Variants in CLTC observed in about 807,000 individuals in gnomAD.
CLTC encodes clathrin heavy chain 1.
Under a neutral mutation model 195.8 loss-of-function variants are expected in CLTC, and 16 were observed. The observed-to-expected ratio is 0.08, with a 90% CI of 0.06 to 0.12. The LOEUF (loss-of-function observed/expected upper bound fraction) is 0.12, where lower values mean the gene tolerates loss of function less well. Among genes scored for constraint, CLTC ranks in the 10% least tolerant of loss-of-function variants. The pLI is 1.00. For synonymous variants in CLTC, 667 were observed against 689.4 expected (o/e 0.97, Z 0.51); for missense variants, 796 against 2,027.0 (o/e 0.39, Z 11.66).
At chr17:59,626,587 A>C (rs1472031353) in intron 1 of CLTC, among the ~76,000 whole-genome samples, 2 of 152,212 alleles carry the variant, frequency 1.3e-5, no homozygotes, top group East Asian at 3.9e-4. Flanking sequence ...TTAGATGAGC[A>C]GTAGGTTCAT....
In CLTC at chr17:59,666,727, A is replaced by G; in HGVS notation, c.1948-70A>G. On this transcript the variant is annotated intron_variant, in intron 12 of 31. Coordinates refer to ENST00000269122, the MANE Select transcript of CLTC (RefSeq NM_004859.4). The surrounding 1 kb of genome is among the most constrained non-coding windows in gnomAD (Gnocchi z 4.9). The stretch of plus-strand genomic sequence containing the variant: ...AATGTGTTTGTGGTACTAAATATTA[A>G]TAATTTCATACCACCATGAGGTTCA... The G allele has an allele frequency of 6.4e-7, 1 of 1,555,196 alleles. No homozygotes were observed. Among genetic ancestry groups the G allele is most frequent in the South Asian group, 1.2e-5 (1 of 86,044 alleles).
chr17:59,645,749 A>G (rs2032175265), intron 2 of CLTC, among the ~76,000 whole-genome samples: 1 of 152,212 alleles, frequency 6.6e-6, no homozygotes, highest in African/African-American at 2.4e-5. Context: ...TCACATATCT[A>G]AGATAGAAAC....
rs760857185 is a variant in CLTC, at chr17:59,619,967, C to A, written c.-165C>A. 66 of 622,070 alleles carry A rather than the reference C, an allele frequency of 1.1e-4. No homozygotes were observed. The highest frequency in any genetic ancestry group is 1.6e-4 in the Non-Finnish European group (58 of 352,744). 38.5% of individuals were successfully genotyped at this position (622,070 alleles called of 1,614,324 possible). A position where few individuals can be genotyped will look rare whatever the true frequency, so the allele number is the denominator to read the frequency against. Reference sequence around the variant, plus strand: ...TCCTGGCCCCTGGAGCCTCCGCCCCCGACCCGAGCTCTTTCGTCTGCCTGC... The same window carrying A: ...TCCTGGCCCCTGGAGCCTCCGCCCCAGACCCGAGCTCTTTCGTCTGCCTGC... On this transcript the variant is annotated 5_prime_UTR_variant, in exon 1 of 32. Transcript: ENST00000269122.
chr17:59,685,043 T>C lies in CLTC; in HGVS notation c.4435-13T>C, dbSNP rs1276157505. 2 of 1,440,462 alleles carry C rather than the reference T, an allele frequency of 1.4e-6. No individual in the cohort carries two copies. The highest frequency in any genetic ancestry group is 1.4e-5 in the African/African-American group (1 of 69,306). The allele number at this position is 1,440,462 out of a possible 1,614,324, so 89.2% of individuals were successfully genotyped here. A position where few individuals can be genotyped will look rare whatever the true frequency, so the allele number is the denominator to read the frequency against. ...ATACTGATCTGGCATTTGGATGGCT[T>C]TTTTTTTTTAAGGCTCTGCGAACAT... On this transcript the variant is annotated splice_polypyrimidine_tract_variant and intron_variant, in intron 28 of 31. Transcript: ENST00000269122. This position sits in a 1 kb window ranked among gnomAD's most constrained non-coding sequence, Gnocchi z 5.0.
intron 14 of CLTC, among the ~76,000 whole-genome samples, chr17:59,670,588 TTC>T (rs1309225933): frequency 6.6e-6 from 1 of 152,120 alleles, no homozygotes; most frequent in African/African-American, 2.4e-5. Flanking sequence ...CTTAAATGAT[TTC>T]TTTTTGTTTT....
chr17:59,635,072 A>G (rs1041835382), intron 1 of CLTC, among the ~76,000 whole-genome samples: 2 of 152,270 alleles, frequency 1.3e-5, no homozygotes, highest in Admixed American at 1.3e-4. Flanking sequence ...ATGACATACA[A>G]GTATCAGCAG....
chr17:59,679,103 C>T (rs1004585771), intron 17 of CLTC, among the ~76,000 whole-genome samples: 1 of 152,148 alleles, frequency 6.6e-6, no homozygotes. Flanking sequence ...TACATATGCT[C>T]ATTTATGTAC....
At chr17:59,668,174 A>G (rs1284288211) in intron 13 of CLTC, among the ~76,000 whole-genome samples, 1 of 152,234 alleles carries the variant, frequency 6.6e-6, no homozygotes, top group African/African-American at 2.4e-5. Flanking sequence ...CTTCTGGACA[A>G]TACTGCACTA....
Position 59,661,439 on chromosome 17 carries a change from A to G in CLTC, c.1168-4A>G. On this transcript the variant is annotated splice_region_variant and splice_polypyrimidine_tract_variant and intron_variant, in intron 7 of 31. Transcript: ENST00000269122. ...AGAGCGTTTAACATTTCTCCTTCTT[A>G]AAGGGAATTCTTCGTACTCCAGACA... 6.2e-7 allele frequency: 1 copy of G among 1,612,412 alleles called. No individual in the cohort carries two copies. The highest frequency in any genetic ancestry group is 8.5e-7 in the Non-Finnish European group (1 of 1,178,704).
intron 5 of CLTC, among the ~76,000 whole-genome samples, chr17:59,653,716 G>C (rs1443587770): frequency 6.6e-6 from 1 of 150,904 alleles, no homozygotes; most frequent in African/African-American, 2.4e-5. Flanking sequence ...GTACATGCCA[G>C]TACGCCTGGC....
intron 16 of CLTC, 146 bp from the exon 17 acceptor site, chr17:59,676,808 T>G: frequency 1.5e-6 from 1 of 648,166 alleles, no homozygotes. Context: ...CACTTCAGCC[T>G]GGACAATGTA....
In CLTC at chr17:59,683,812, A is replaced by G; in HGVS notation, c.4323+56A>G. On this transcript the variant is annotated intron_variant, in intron 27 of 31. Coordinates refer to ENST00000269122, the MANE Select transcript of CLTC (RefSeq NM_004859.4). This position sits in a 1 kb window ranked among gnomAD's most constrained non-coding sequence, Gnocchi z 6.1. Reference sequence around the variant, plus strand: ...TAGCAAGGAATTAGGACATACTTCGATAACTTTTGTCCCTGGGACTTCAAT... The same window carrying G: ...TAGCAAGGAATTAGGACATACTTCGGTAACTTTTGTCCCTGGGACTTCAAT... The G allele has an allele frequency of 6.2e-7, 1 of 1,612,524 alleles. No individual in the cohort carries two copies. The highest frequency in any genetic ancestry group is 8.5e-7 in the Non-Finnish European group (1 of 1,178,658).
intron 1 of CLTC, among the ~76,000 whole-genome samples, chr17:59,621,756 AT>A (rs959717196): frequency 5.3e-5 from 8 of 151,436 alleles, no homozygotes; most frequent in Non-Finnish European, 7.4e-5. Context: ...CAAAATGGAC[AT>A]TTTTTTTTGA....
intron 6 of CLTC, among the ~76,000 whole-genome samples, chr17:59,659,863 G>A (rs1164008686): frequency 6.6e-6 from 1 of 151,960 alleles, no homozygotes; most frequent in Non-Finnish European, 1.5e-5. Context: ...TGTAATTAAC[G>A]AAAATTACCA....
intron 8 of CLTC, among the ~76,000 whole-genome samples, chr17:59,663,565 GT>G (rs112930390): frequency 6.6e-5 from 10 of 152,286 alleles, no homozygotes; most frequent in African/African-American, 2.4e-4. Flanking sequence ...GTACTTTGAA[GT>G]ACTTAAATCC....
At chr17:59,670,142 T>TTGA (rs2032814054) in intron 14 of CLTC, among the ~76,000 whole-genome samples, 2 of 152,206 alleles carry the variant, frequency 1.3e-5, no homozygotes, top group Non-Finnish European at 2.9e-5. Context: ...TGAGAAAGAT[T>TTGA]TGATACTCTG....
chr17:59,663,024 C>T (rs1377185171), intron 8 of CLTC, among the ~76,000 whole-genome samples: 1 of 152,194 alleles, frequency 6.6e-6, no homozygotes, highest in African/African-American at 2.4e-5. Context: ...TTTCTGTGAA[C>T]AGTCATATGG....
Position 59,685,925 on chromosome 17 carries a change from T to A in CLTC, c.4827+117T>A. ...TAGAAGTAAGTCATTTAGTCGATCA[T>A]AAAATATTCCTGTTCTTTTGAAATT... is the stretch of plus-strand genomic sequence containing the variant. On this transcript the variant is annotated intron_variant, in intron 30 of 31. Coordinates refer to ENST00000269122, the MANE Select transcript of CLTC (RefSeq NM_004859.4). This position sits in a 1 kb window ranked among gnomAD's most constrained non-coding sequence, Gnocchi z 5.0. The A allele has an allele frequency of 1.3e-6, 1 of 791,520 alleles. No individual in the cohort carries two copies. The highest frequency in any genetic ancestry group is 1.9e-6 in the Non-Finnish European group (1 of 515,042). 49.0% of individuals were successfully genotyped at this position (791,520 alleles called of 1,614,324 possible). A position where few individuals can be genotyped will look rare whatever the true frequency, so the allele number is the denominator to read the frequency against.
chr17:59,685,066 C>A lies in CLTC; in HGVS notation c.4445C>A (p.Thr1482Lys). 6.4e-7 allele frequency: 1 copy of A among 1,573,822 alleles called. No individual in the cohort carries two copies. Among genetic ancestry groups the A allele is most frequent in the Non-Finnish European group, 8.7e-7 (1 of 1,155,620 alleles). Residue 1482 changes from threonine (T) to lysine (K), a missense_variant, in exon 29 of 32, where the codon ACA (threonine) becomes AAA (lysine). This residue lies in a region of CLTC where 148 missense variants were observed against 279.5 expected (regional missense o/e 0.53). Transcript: ENST00000269122. This position sits in a 1 kb window ranked among gnomAD's most constrained non-coding sequence, Gnocchi z 5.0. ...CTTTTTTTTTTTAAGGCTCTGCGAA[C>A]ATCAATAGATGCTTATGACAACTTT... The part of the protein sequence containing the change: ...ITEEDYQALR[T>K]SIDAYDNFDN...
Sources: allele counts gnomAD v4.1 joint callset (sites outside exome capture counted in the v4.1 genomes callset), GRCh38; gene constraint gnomAD v4.1.1; regional missense constraint gnomAD v4.1.1; non-coding constraint Gnocchi (gnomAD v3.1); transcripts MANE v1.5; gene names NCBI Gene and HGNC (gene_info 2026-07-23, HGNC 2026-07-21).